The following MNAT1 variants were observed in gnomAD, a reference collection of about 807,000 sequenced individuals.
MNAT1 encodes MNAT1 component of CDK activating kinase.
MNAT1 carries 43 observed loss-of-function variants against 42.0 expected under a neutral mutation model. The observed-to-expected ratio is 1.02, with a 90% CI of 0.80 to 1.32. The LOEUF is 1.32. Among genes scored for constraint, MNAT1 ranks in the 40% most tolerant of loss-of-function variants. The probability of loss-of-function intolerance (pLI) is 0.00; values close to 1 mark genes in which losing one functional copy is unlikely to be tolerated. For missense variants in MNAT1, 306 were observed against 350.4 expected, an observed-to-expected ratio of 0.87 and a Z score of 1.01; for synonymous variants, 118 against 120.0, an observed-to-expected ratio of 0.98 and a Z score of 0.11.
chr14:60,876,233 G>A (rs2034433494), intron 6 of MNAT1, among the ~76,000 whole-genome samples: 1 of 152,074 alleles, frequency 6.6e-6, no homozygotes, highest in Non-Finnish European at 1.5e-5. Context: ...TTCTATGATA[G>A]TATAAGATTT....
intron 7 of MNAT1, among the ~76,000 whole-genome samples, chr14:60,907,771 A>T (rs1429344251): frequency 2.2e-5 from 3 of 135,108 alleles, no homozygotes; most frequent in Non-Finnish European, 4.8e-5. Context: ...AACAAGAGCG[A>T]AACTGTGTCT....
chr14:60,959,920 G>GTTTTTTTT (rs11359127), intron 7 of MNAT1, among the ~76,000 whole-genome samples: 10 of 93,156 alleles, frequency 1.1e-4, no homozygotes, highest in East Asian at 3.2e-4. Context: ...TGGTTTTTAT[G>GTTTTTTTT]TTTTTTTTTT....
chr14:60,930,245 ATTT>A (rs1203874725), intron 7 of MNAT1, among the ~76,000 whole-genome samples: 1 of 144,884 alleles, frequency 6.9e-6, no homozygotes, highest in Non-Finnish European at 1.5e-5. Flanking sequence ...TATTATTATT[ATTT>A]GAGTCTATTT....
At chr14:60,837,303 C>T (rs900070037) in intron 6 of MNAT1, among the ~76,000 whole-genome samples, 1 of 152,182 alleles carries the variant, frequency 6.6e-6, no homozygotes, top group Non-Finnish European at 1.5e-5. Flanking sequence ...CAGTGTCTGC[C>T]CAAATGGCTG....
chr14:60,926,605 G>A (rs1423515791), intron 7 of MNAT1, among the ~76,000 whole-genome samples: 1 of 152,198 alleles, frequency 6.6e-6, no homozygotes, highest in Non-Finnish European at 1.5e-5. Flanking sequence ...AGATGGAAGA[G>A]GTGCATAGTT....
At position 60,801,948 on chromosome 14, in the gene MNAT1, A is replaced by G. The variant is rs138470721; in HGVS notation, c.316+3788A>G. ...CCATGGAATACTTCAGCCTTAAAAA[A>G]GAAGGTAATTCTGTAATATGCAACA... On this transcript the variant is annotated intron_variant, in intron 3 of 7. Coordinates refer to ENST00000261245, the MANE Select transcript of MNAT1 (RefSeq NM_002431.4). 3.9e-3 allele frequency among the ~76,000 whole-genome samples: 600 copies of G among 152,362 alleles called. 2 individuals are homozygous for G. Among genetic ancestry groups the G allele is most frequent in the Non-Finnish European group, 5.6e-3 (383 of 68,032 alleles).
At chr14:60,851,724 C>T (rs12894310) in intron 6 of MNAT1, among the ~76,000 whole-genome samples, 1 of 152,048 alleles carries the variant, frequency 6.6e-6, no homozygotes, top group African/African-American at 2.4e-5. Context: ...CCAACAGGCC[C>T]TGGTGTGTGA....
At chr14:60,913,799 G>C (rs1020106726) in intron 7 of MNAT1, among the ~76,000 whole-genome samples, 1 of 152,222 alleles carries the variant, frequency 6.6e-6, no homozygotes, top group Non-Finnish European at 1.5e-5. Context: ...GAGGCAGTCT[G>C]TCGGTGTTCA....
chr14:60,854,507 A>T (rs939571095), intron 6 of MNAT1, among the ~76,000 whole-genome samples: 1 of 151,896 alleles, frequency 6.6e-6, no homozygotes, highest in Admixed American at 6.6e-5. Flanking sequence ...CTTTATGTTG[A>T]TGTTGATGTT....
intron 7 of MNAT1, chr14:60,920,198 G>A (rs1201922855): frequency 6.6e-6 from 1 of 151,990 alleles, no homozygotes; most frequent in Non-Finnish European, 1.5e-5. Context: ...CAGAGCCCAA[G>A]CCCACCAATA....
intron 1 of MNAT1, among the ~76,000 whole-genome samples, chr14:60,771,058 C>T (rs549828437): frequency 5.9e-5 from 9 of 152,140 alleles, no homozygotes; most frequent in East Asian, 1.9e-4. Flanking sequence ...AGTATATATA[C>T]GTAGAATAAA....
intron 1 of MNAT1, among the ~76,000 whole-genome samples, chr14:60,764,762 A>G (rs2030746261): frequency 6.6e-6 from 1 of 152,232 alleles, no homozygotes; most frequent in Non-Finnish European, 1.5e-5. Context: ...AGGCAAATAA[A>G]TAAATTAGCA....
chr14:60,954,130 G>A (rs1467451528), intron 7 of MNAT1, among the ~76,000 whole-genome samples: 1 of 152,066 alleles, frequency 6.6e-6, no homozygotes, highest in Non-Finnish European at 1.5e-5. Flanking sequence ...TTGAGATCAG[G>A]TGATATTTAC....
At chr14:60,918,497 A>G (rs996633462) in intron 7 of MNAT1, among the ~76,000 whole-genome samples, 2 of 151,222 alleles carry the variant, frequency 1.3e-5, no homozygotes, top group African/African-American at 2.4e-5. Flanking sequence ...CATGAGCCAC[A>G]GTGCCCGGCC....
chr14:60,914,282 C>T (rs957999738), intron 7 of MNAT1, among the ~76,000 whole-genome samples: 4 of 152,224 alleles, frequency 2.6e-5, no homozygotes, highest in African/African-American at 4.8e-5. Context: ...CCGGGTGAGG[C>T]GATGCCTTGC....
chr14:60,801,991 G>A (rs551263982), intron 3 of MNAT1, among the ~76,000 whole-genome samples: 2 of 152,238 alleles, frequency 1.3e-5, no homozygotes, highest in East Asian at 3.9e-4. Context: ...TCAACCTGGA[G>A]GACATTATGC....
intron 1 of MNAT1, among the ~76,000 whole-genome samples, chr14:60,739,617 T>A (rs1896408363): frequency 6.6e-6 from 1 of 152,254 alleles, no homozygotes; most frequent in Non-Finnish European, 1.5e-5. Context: ...ATTTCCCTAC[T>A]TATCAATTTA....
intron 6 of MNAT1, among the ~76,000 whole-genome samples, chr14:60,845,780 T>G (rs2033667364): frequency 6.6e-6 from 1 of 152,138 alleles, no homozygotes; most frequent in African/African-American, 2.4e-5. Flanking sequence ...TAATACAAAA[T>G]GTAGTCTTTT....
chr14:60,907,044 T>C (rs1308064519), intron 7 of MNAT1, among the ~76,000 whole-genome samples: 2 of 152,188 alleles, frequency 1.3e-5, no homozygotes, highest in Non-Finnish European at 2.9e-5. Flanking sequence ...TTGGAATTTT[T>C]CAAGCTCCTT....
Sources: allele counts gnomAD v4.1 joint callset (sites outside exome capture counted in the v4.1 genomes callset), GRCh38; gene constraint gnomAD v4.1.1; transcripts MANE v1.5; gene names NCBI Gene and HGNC (gene_info 2026-07-23, HGNC 2026-07-21).